The following PREX1 variants were observed in gnomAD, a reference collection of about 807,000 sequenced individuals.
The protein encoded by PREX1 is phosphatidylinositol-3,4,5-trisphosphate dependent Rac exchange factor 1, also known as phosphatidylinositol 3,4,5-trisphosphate-dependent Rac exchanger 1 protein.
Under a neutral mutation model 198.3 loss-of-function variants are expected in PREX1, and 41 were observed. The ratio of observed to expected loss-of-function variants is 0.21; its 90% CI spans 0.16 to 0.27. The LOEUF is 0.27. Among genes scored for constraint, PREX1 ranks in the 10% least tolerant of loss-of-function variants. The pLI is 1.00. For synonymous variants in PREX1, 843 were observed against 887.2 expected (o/e 0.95, Z 0.89); for missense variants, 1,620 against 2,200.7 (o/e 0.74, Z 5.28).
At chr20:48,674,683 A>C (rs925048085) in intron 14 of PREX1, among the ~76,000 whole-genome samples, 2 of 152,154 alleles carry the variant, frequency 1.3e-5, no homozygotes, top group African/African-American at 2.4e-5. Flanking sequence ...AGGTTAGAGG[A>C]CTCAAAAGGA....
At chr20:48,720,518 A>G (rs2089980445) in intron 5 of PREX1, among the ~76,000 whole-genome samples, 1 of 152,176 alleles carries the variant, frequency 6.6e-6, no homozygotes, top group Non-Finnish European at 1.5e-5. Flanking sequence ...CTCAGAGGAC[A>G]CTAGGAAGAC....
chr20:48,660,487 G>A (rs1290801416), intron 15 of PREX1, among the ~76,000 whole-genome samples: 1 of 151,976 alleles, frequency 6.6e-6, no homozygotes, highest in African/African-American at 2.4e-5. Context: ...GCCCAGGGGG[G>A]AAAAAAATTG....
chr20:48,671,318 T>G (rs1395039810), intron 14 of PREX1, among the ~76,000 whole-genome samples: 1 of 152,174 alleles, frequency 6.6e-6, no homozygotes, highest in Non-Finnish European at 1.5e-5. Context: ...AGATGTGATG[T>G]CTGGAGCCAT....
chr20:48,661,437 AAAAAAAAATATATATATAT>A (rs2089591499), intron 15 of PREX1, among the ~76,000 whole-genome samples: 1 of 105,594 alleles, frequency 9.5e-6, no homozygotes, highest in African/African-American at 5.5e-5. Context: ...AAAAAAAAAA[AAAAAAAAATATATATATAT>A]ATATATATAT....
chr20:48,759,563 A>AAAG (rs1748344474), intron 1 of PREX1, among the ~76,000 whole-genome samples: 1 of 151,330 alleles, frequency 6.6e-6, no homozygotes, highest in African/African-American at 2.4e-5. Context: ...AAAAAAAAAA[A>AAAG]AAAAAGAAAA....
At chr20:48,872,031 C>A in the PREX1 span, among the ~76,000 whole-genome samples, 2 of 151,874 alleles carry the variant, frequency 1.3e-5, no homozygotes, top group Non-Finnish European at 1.5e-5. Context: ...TGGTGGCGGG[C>A]ACCTGTAGTC....
the PREX1 span, among the ~76,000 whole-genome samples, chr20:48,845,791 G>C: frequency 6.6e-6 from 1 of 151,952 alleles, no homozygotes; most frequent in South Asian, 2.1e-4. Context: ...CTTTCCAGAA[G>C]CCGCGAGGAG....
intron 5 of PREX1, among the ~76,000 whole-genome samples, chr20:48,721,760 C>G (rs576432752): frequency 6.6e-6 from 1 of 152,132 alleles, no homozygotes; most frequent in African/African-American, 2.4e-5. Flanking sequence ...CAGGGAGGCC[C>G]GCTGGGGCCG....
rs748956332 is a variant in PREX1 at position 48,651,491 on chromosome 20, C to T, written c.2560G>A (p.Gly854Ser). ...GTGCTCACATACTCATACACCACGC[C>T]GTGTTCCAGGTGCACGTTGTCCACA... is the stretch of plus-strand genomic sequence containing the variant. ...LTVDNVHLEH[G>S]VVYEYVSTAG... is the part of the protein sequence containing the mutation. Residue 854 changes from glycine to serine, a missense_variant, in exon 22 of 40, where the codon GGC becomes AGC. By Grantham distance (56) the Gly-to-Ser change is moderately conservative. Coordinates refer to ENST00000371941, the MANE Select transcript of PREX1 (RefSeq NM_020820.4). 1.2e-6 allele frequency: 2 copies of T among 1,614,238 alleles called. No individual in the cohort carries two copies. Among genetic ancestry groups the T allele is most frequent in the Non-Finnish European group, 1.7e-6 (2 of 1,180,046 alleles).
In PREX1 at chr20:48,679,758, G is replaced by A. The variant is rs1195433486; in HGVS notation, c.1436-4C>T. On this transcript the variant is annotated splice_polypyrimidine_tract_variant and splice_region_variant and intron_variant, in intron 11 of 39. Coordinates refer to ENST00000371941, the MANE Select transcript of PREX1 (RefSeq NM_020820.4). The stretch of plus-strand genomic sequence containing the variant: ...TTGAACTGGTGCTTGTCGGAAACTG[G>A]AGAGACAGGAGGACCTGTGACGCTG... The A allele has an allele frequency of 6.2e-7, 1 of 1,603,774 alleles. No individual in the cohort carries two copies. The highest frequency in any genetic ancestry group is 8.5e-7 in the Non-Finnish European group (1 of 1,170,586).
intron 6 of PREX1, among the ~76,000 whole-genome samples, chr20:48,702,060 T>C (rs2089877663): frequency 6.6e-6 from 1 of 151,880 alleles, no homozygotes; most frequent in African/African-American, 2.4e-5. Flanking sequence ...AATACAAAAA[T>C]TAGCCAGGCA....
intron 2 of PREX1, 23 bp downstream of exon 2, chr20:48,747,786 G>A: frequency 1.2e-6 from 2 of 1,601,992 alleles, no homozygotes; most frequent in Admixed American, 1.7e-5. Flanking sequence ...CTCTAGAACA[G>A]GGGCCAGCCC....
At chr20:48,767,952 T>A (rs1186213656) in intron 1 of PREX1, among the ~76,000 whole-genome samples, 2 of 152,096 alleles carry the variant, frequency 1.3e-5, no homozygotes, top group African/African-American at 4.8e-5. Context: ...TAGCACAAAG[T>A]GTTGTTCTAT....
chr20:48,647,866 T>C (rs2089462773), intron 25 of PREX1, among the ~76,000 whole-genome samples: 1 of 152,184 alleles, frequency 6.6e-6, no homozygotes, highest in Non-Finnish European at 1.5e-5. Flanking sequence ...AGGGTCCACC[T>C]TGTTTCCCCC....
rs370938889 is a variant in PREX1 at position 48,734,546 on chromosome 20, C to G, written c.519G>C (p.Leu173Phe). The change falls in exon 4 of 40, where the codon TTG becomes TTC. Residue 173 changes from leucine to phenylalanine, a missense_variant and splice_region_variant. Coordinates refer to ENST00000371941, the MANE Select transcript of PREX1 (RefSeq NM_020820.4). ...NKIPTVRAFL[L>F]SCMLLGGRKT... ...CACCAGGGCTGACGGGTCAACTTAC[C>G]AAAAGGAAGGCGCGCACGGTAGGGA... 2 of 1,613,664 alleles carry G rather than the reference C, an allele frequency of 1.2e-6. No homozygotes were observed. Among genetic ancestry groups the G allele is most frequent in the Non-Finnish European group, 1.7e-6 (2 of 1,179,650 alleles).
chr20:48,736,884 G>C (rs1308462871), intron 3 of PREX1, among the ~76,000 whole-genome samples: 3 of 152,082 alleles, frequency 2.0e-5, no homozygotes, highest in African/African-American at 7.2e-5. Flanking sequence ...TAAGTGCCAA[G>C]GAGAAGTTCT....
In PREX1 at chr20:48,651,422, G is replaced by A. The variant is rs769401898; in HGVS notation, c.2629C>T (p.Arg877Cys). 12 of 1,610,222 alleles carry A rather than the reference G, an allele frequency of 7.5e-6. No individual in the cohort carries two copies. Among genetic ancestry groups the A allele is most frequent in the South Asian group, 3.3e-5 (3 of 90,834 alleles). Residue 877 changes from arginine to cysteine, a missense_variant, in exon 22 of 40, where the codon CGC becomes TGC. Around this residue, in one of 7 missense-constraint regions of PREX1, gnomAD observed 514 missense variants for 611.6 expected, o/e 0.84. Coordinates refer to ENST00000371941, the MANE Select transcript of PREX1 (RefSeq NM_020820.4). ...CHVLEKIVEP[R>C]GCFGLTAKIL... is the part of the protein sequence containing the mutation. Reference sequence around the variant, plus strand: ...TTGGCGGTGAGGCCGAAGCAGCCGCGGGGCTCCACGATCTTCTCCAGCACA... The same window carrying A: ...TTGGCGGTGAGGCCGAAGCAGCCGCAGGGCTCCACGATCTTCTCCAGCACA...
the PREX1 span, among the ~76,000 whole-genome samples, chr20:48,853,234 G>C: frequency 1.3e-5 from 2 of 152,170 alleles, no homozygotes; most frequent in Non-Finnish European, 2.9e-5. Context: ...CATCAGAAAA[G>C]CTGAGCTGCA....
intron 1 of PREX1, chr20:48,821,593 T>C (rs1052481755): frequency 2.0e-5 from 3 of 152,192 alleles, no homozygotes; most frequent in African/African-American, 7.2e-5. Flanking sequence ...GCCCCAAAAA[T>C]CTGGAGAGGT....
Sources: allele counts gnomAD v4.1 joint callset (sites outside exome capture counted in the v4.1 genomes callset), GRCh38; gene constraint gnomAD v4.1.1; regional missense constraint gnomAD v4.1.1; transcripts MANE v1.5; gene names NCBI Gene and HGNC (gene_info 2026-07-23, HGNC 2026-07-21).